AP1S3: variants seen among roughly 807,000 people sequenced by gnomAD.
AP1S3 encodes the protein AP-1 complex subunit sigma-3.
In AP1S3, 10 loss-of-function variants were observed where a neutral mutation model predicts 20.9. That is an observed-to-expected ratio of 0.48 (90% CI 0.29 to 0.81). The LOEUF (loss-of-function observed/expected upper bound fraction) is 0.81, where lower values mean the gene tolerates loss of function less well. Among genes scored for constraint, AP1S3 ranks in the 30% least tolerant of loss-of-function variants. The pLI, the probability that AP1S3 is intolerant of heterozygous loss-of-function variation, is 0.08. For missense variants in AP1S3, 154 were observed against 183.8 expected (o/e 0.84, Z 0.94); for synonymous variants, 41 against 61.5 (o/e 0.67, Z 1.56).
chr2:223,765,621 C>A (rs560056066), intron 3 of AP1S3, among the ~76,000 whole-genome samples: 1 of 152,154 alleles, frequency 6.6e-6, no homozygotes, highest in East Asian at 1.9e-4. Flanking sequence ...TGAGGCCACT[C>A]GGCTCCTCTT....
intron 1 of AP1S3, among the ~76,000 whole-genome samples, chr2:223,809,301 C>T (rs975243899): frequency 3.3e-5 from 5 of 152,162 alleles, no homozygotes; most frequent in Non-Finnish European, 7.3e-5. Flanking sequence ...CAGAACACTT[C>T]CCCCAGATAT....
At chr2:223,834,874 G>A (rs1344353538) in intron 1 of AP1S3, among the ~76,000 whole-genome samples, 1 of 152,014 alleles carries the variant, frequency 6.6e-6, no homozygotes, top group Non-Finnish European at 1.5e-5. Context: ...TGAAAAGCAT[G>A]GCACTGTTTT....
intron 1 of AP1S3, among the ~76,000 whole-genome samples, chr2:223,803,207 C>A (rs560999468): frequency 6.6e-6 from 1 of 152,278 alleles, no homozygotes; most frequent in East Asian, 1.9e-4. Flanking sequence ...CCAAGATCTT[C>A]CATATTCAAG....
rs1214550959 is a variant in AP1S3, at chr2:223,758,672, G to T, written c.*43C>A. 6.4e-7 allele frequency: 1 copy of T among 1,554,078 alleles called. No homozygotes were observed. Among genetic ancestry groups the T allele is most frequent in the African/African-American group, 1.4e-5 (1 of 72,462 alleles). ...GGATGGGAGGCGTTGCTTATTTACAGCTTCATAACATGTAGTGCTGGAGTC... is the reference window on the plus strand; with the variant it reads ...GGATGGGAGGCGTTGCTTATTTACATCTTCATAACATGTAGTGCTGGAGTC... On this transcript the variant is annotated 3_prime_UTR_variant, in exon 5 of 5. Transcript: ENST00000396654.
chr2:223,767,175 G>C (rs534435720), intron 3 of AP1S3, among the ~76,000 whole-genome samples: 60 of 151,770 alleles, frequency 4.0e-4, no homozygotes, highest in African/African-American at 1.5e-3. Context: ...AGAACTTAAA[G>C]TGTAATTTTA....
chr2:223,799,651 T>C (rs1285036051), intron 1 of AP1S3, among the ~76,000 whole-genome samples: 1 of 152,198 alleles, frequency 6.6e-6, no homozygotes, highest in Non-Finnish European at 1.5e-5. Flanking sequence ...CAAATATTTA[T>C]TTAGTAGCTA....
chr2:223,765,353 G>C lies in AP1S3; in HGVS notation c.292-3C>G. ...AAGATAATATCCAGCTCACAGACCTGGTGGGACAAAAACAAACGTTTTGAT... is the reference window on the plus strand; with the variant it reads ...AAGATAATATCCAGCTCACAGACCTCGTGGGACAAAAACAAACGTTTTGAT... On this transcript the variant is annotated splice_region_variant and splice_polypyrimidine_tract_variant and intron_variant, in intron 3 of 4. Transcript: ENST00000396654. The C allele has an allele frequency of 6.2e-7, 1 of 1,602,930 alleles. No homozygotes were observed. Among genetic ancestry groups the C allele is most frequent in the Non-Finnish European group, 8.5e-7 (1 of 1,176,594 alleles).
At chr2:223,812,658 T>G (rs1017760396) in intron 1 of AP1S3, among the ~76,000 whole-genome samples, 3 of 152,194 alleles carry the variant, frequency 2.0e-5, no homozygotes, top group South Asian at 4.1e-4. Flanking sequence ...AAATAAAACT[T>G]AATTATGAAG....
intron 1 of AP1S3, among the ~76,000 whole-genome samples, chr2:223,811,764 A>G (rs1691735758): frequency 1.3e-5 from 2 of 152,288 alleles, no homozygotes; most frequent in Admixed American, 6.5e-5. Flanking sequence ...TGTAGAAAAC[A>G]GAATATGTGA....
At chr2:223,804,572 T>C (rs1478550342) in intron 1 of AP1S3, among the ~76,000 whole-genome samples, 1 of 152,210 alleles carries the variant, frequency 6.6e-6, no homozygotes, top group East Asian at 1.9e-4. Context: ...CCAGGCATGG[T>C]GGCACATGCC....
At chr2:223,760,987 T>C (rs1484318632) in intron 4 of AP1S3, among the ~76,000 whole-genome samples, 1 of 152,166 alleles carries the variant, frequency 6.6e-6, no homozygotes, top group Non-Finnish European at 1.5e-5. Context: ...TTCAGTGGCC[T>C]CTAGTCATTG....
At chr2:223,813,876 C>CA (rs1691788944) in intron 1 of AP1S3, among the ~76,000 whole-genome samples, 1 of 152,188 alleles carries the variant, frequency 6.6e-6, no homozygotes, top group Non-Finnish European at 1.5e-5. Flanking sequence ...GGCCAAAAGA[C>CA]AGAGACGTCC....
intron 1 of AP1S3, among the ~76,000 whole-genome samples, chr2:223,806,277 A>ATTTTTTTTTT (rs144953846): frequency 9.0e-6 from 1 of 111,052 alleles, no homozygotes; most frequent in Non-Finnish European, 1.7e-5. Context: ...AAACAAAGGA[A>ATTTTTTTTTT]TTTTTTTTTT....
At position 223,765,241 on chromosome 2, in the gene AP1S3, G is replaced by T. The variant is rs780686382; in HGVS notation, c.401C>A (p.Ala134Asp). ...CTGTAACATATCAGAGTCTTCAATG[G>T]CTTTGACAGCAATTTTCTTGGATGT... Reference protein sequence around the residue: ...QETSKKIAVKAIEDSDMLQET... With the variant: ...QETSKKIAVKDIEDSDMLQET... The change falls in exon 4 of 5, where the codon GCC (alanine) becomes GAC (aspartate). Residue 134 changes from alanine to aspartate, a missense_variant. Physicochemically the swap from Ala to Asp is moderately radical, Grantham distance 126. Coordinates refer to ENST00000396654, the MANE Select transcript of AP1S3 (RefSeq NM_001039569.2). 2 of 1,613,914 alleles carry T rather than the reference G, an allele frequency of 1.2e-6. No individual in the cohort carries two copies. Among genetic ancestry groups the T allele is most frequent in the South Asian group, 2.2e-5 (2 of 91,064 alleles).
intron 2 of AP1S3, among the ~76,000 whole-genome samples, chr2:223,777,446 T>C (rs1203683888): frequency 2.0e-5 from 3 of 152,206 alleles, no homozygotes; most frequent in Non-Finnish European, 4.4e-5. Flanking sequence ...TTCATACCAC[T>C]TTTCTTGAAT....
intron 1 of AP1S3, among the ~76,000 whole-genome samples, chr2:223,837,136 G>T (rs1692419968): frequency 6.6e-6 from 1 of 151,818 alleles, no homozygotes; most frequent in Admixed American, 6.6e-5. Context: ...GCTCCTCCTG[G>T]TCCCCCGCGA....
chr2:223,808,984 G>A (rs921023238), intron 1 of AP1S3, among the ~76,000 whole-genome samples: 1 of 152,194 alleles, frequency 6.6e-6, no homozygotes, highest in African/African-American at 2.4e-5. Context: ...GACACAGGGA[G>A]ACCCCGTCTA....
chr2:223,777,761 T>A lies in AP1S3; in HGVS notation c.112A>T (p.Ile38Phe). Residue 38 changes from isoleucine to phenylalanine, a missense_variant, in exon 2 of 5, where the codon ATT (isoleucine) becomes TTT (phenylalanine). Coordinates refer to ENST00000396654, the MANE Select transcript of AP1S3 (RefSeq NM_001039569.2). ...RKKITREIVQ[I>F]ILSRGHRTSS... ...GTCCTGTGACCACGGGAGAGAATAA[T>A]CTGAACAATTTCCCGGGTGATCTTC... The A allele has an allele frequency of 6.2e-7, 1 of 1,614,172 alleles. No homozygotes were observed. Among genetic ancestry groups the A allele is most frequent in the Admixed American group, 1.7e-5 (1 of 60,032 alleles).
chr2:223,832,494 A>C (rs1437902289), intron 1 of AP1S3, among the ~76,000 whole-genome samples: 2 of 152,110 alleles, frequency 1.3e-5, no homozygotes, highest in Non-Finnish European at 2.9e-5. Flanking sequence ...ACAACTGAAC[A>C]CCACAAAGGG....
Sources: gnomAD v4.1 joint callset for allele counts (sites outside exome capture counted in the v4.1 genomes callset) on GRCh38, gnomAD v4.1.1 for gene constraint, MANE v1.5 for transcripts, NCBI Gene and HGNC (gene_info 2026-07-23, HGNC 2026-07-21) for gene names.